MGAT4A: variants seen among roughly 807,000 people sequenced by gnomAD.
MGAT4A encodes alpha-1,3-mannosyl-glycoprotein 4-beta-N-acetylglucosaminyltransferase A, also known as N-acetylglucosaminyltransferase IVa.
MGAT4A carries 33 observed loss-of-function variants against 74.1 expected under a neutral mutation model. That is an observed-to-expected ratio of 0.45 (90% CI 0.34 to 0.60). MGAT4A has a LOEUF of 0.60. MGAT4A is among the 20% of genes least tolerant of loss of function. The pLI, the probability that MGAT4A is intolerant of heterozygous loss-of-function variation, is 0.02. For synonymous variants in MGAT4A, 198 were observed against 210.4 expected, an observed-to-expected ratio of 0.94 and a Z score of 0.51; for missense variants, 479 against 628.3, an observed-to-expected ratio of 0.76 and a Z score of 2.54.
chr2:98,714,501 C>T (rs1047541439), intron 2 of MGAT4A, among the ~76,000 whole-genome samples: 7 of 152,252 alleles, frequency 4.6e-5, no homozygotes, highest in Middle Eastern at 3.4e-3. Flanking sequence ...ATTCAAGAAA[C>T]GCAGGTGGAC....
At chr2:98,697,892 T>A (rs1350507992) in intron 2 of MGAT4A, among the ~76,000 whole-genome samples, 1 of 152,178 alleles carries the variant, frequency 6.6e-6, no homozygotes, top group Non-Finnish European at 1.5e-5. Flanking sequence ...GATGGGTTCA[T>A]AAGAAGACAA....
chr2:98,654,678 C>T (rs1203418501), intron 8 of MGAT4A, among the ~76,000 whole-genome samples: 1 of 152,094 alleles, frequency 6.6e-6, no homozygotes, highest in Admixed American at 6.6e-5. Context: ...ACATCTTGTG[C>T]TCATGTATTG....
chr2:98,731,017 C>A lies in MGAT4A; in HGVS notation c.-236+31G>T, dbSNP rs1239136060. 1 of 141,726 alleles carries A rather than the reference C, an allele frequency of 7.1e-6. No individual in the cohort carries two copies. Among genetic ancestry groups the A allele is most frequent in the Admixed American group, 6.9e-5 (1 of 14,406 alleles). 8.8% of individuals were successfully genotyped at this position (141,726 alleles called of 1,614,324 possible). A position where few individuals can be genotyped will look rare whatever the true frequency, so the allele number is the denominator to read the frequency against. On this transcript the variant is annotated intron_variant, in intron 1 of 15. Coordinates refer to ENST00000393487, the MANE Select transcript of MGAT4A (RefSeq NM_012214.3). This position sits in a 1 kb window ranked among gnomAD's most constrained non-coding sequence, Gnocchi z 4.8. ...CGCCCCGCGCCCCCTCCCGCCCCCG[C>A]GCGCCGCCGCTGCCGCCGCGAGCCC...
At chr2:98,717,622 T>C (rs1702610638) in intron 2 of MGAT4A, among the ~76,000 whole-genome samples, 1 of 152,186 alleles carries the variant, frequency 6.6e-6, no homozygotes, top group Admixed American at 6.6e-5. Flanking sequence ...GGAGGATAGG[T>C]ATAAGGGAAA....
chr2:98,693,534 C>T (rs1197666151), intron 2 of MGAT4A, among the ~76,000 whole-genome samples: 1 of 152,064 alleles, frequency 6.6e-6, no homozygotes, highest in African/African-American at 2.4e-5. Context: ...AGCGAGACCC[C>T]ATTTCTATAG....
At chr2:98,730,732 G>A (rs902459156) in intron 1 of MGAT4A, among the ~76,000 whole-genome samples, 9 of 150,322 alleles carry the variant, frequency 6.0e-5, no homozygotes, top group African/African-American at 1.9e-4. Flanking sequence ...CCGCAGAGAG[G>A]GCGCGCGACC....
intron 2 of MGAT4A, among the ~76,000 whole-genome samples, chr2:98,703,261 TAG>T (rs1702376358): frequency 6.6e-6 from 1 of 152,272 alleles, no homozygotes; most frequent in Non-Finnish European, 1.5e-5. Flanking sequence ...TAAAATTCAC[TAG>T]AGAGGCTCAG....
chr2:98,627,129 G>A (rs1701155227), intron 14 of MGAT4A, among the ~76,000 whole-genome samples: 1 of 152,162 alleles, frequency 6.6e-6, no homozygotes, highest in Non-Finnish European at 1.5e-5. Flanking sequence ...ACCACTGCTG[G>A]GACTATAGTT....
chr2:98,656,516 A>T (rs763280854), intron 6 of MGAT4A, 51 bp from the exon 7 acceptor site: 2 of 1,254,946 alleles, frequency 1.6e-6, no homozygotes, highest in South Asian at 2.5e-5. Flanking sequence ...GATTTTATTT[A>T]TCTTAAAGCT....
chr2:98,687,498 T>C (rs1702145545), intron 2 of MGAT4A, among the ~76,000 whole-genome samples: 1 of 152,136 alleles, frequency 6.6e-6, no homozygotes, highest in African/African-American at 2.4e-5. Context: ...TATTTCATGC[T>C]TTCTCCTTCT....
At chr2:98,629,839 T>C (rs1701201085) in intron 14 of MGAT4A, among the ~76,000 whole-genome samples, 1 of 151,962 alleles carries the variant, frequency 6.6e-6, no homozygotes, top group Admixed American at 6.6e-5. Context: ...AGGTCAGGAG[T>C]TCGAGACCAG....
chr2:98,698,613 T>G (rs182043022), intron 2 of MGAT4A, among the ~76,000 whole-genome samples: 2 of 152,246 alleles, frequency 1.3e-5, no homozygotes, highest in East Asian at 3.9e-4. Flanking sequence ...GTACCTTACA[T>G]TTCTAAATGG....
chr2:98,644,065 T>C lies in MGAT4A; in HGVS notation c.890-12A>G. 6.4e-7 allele frequency: 1 copy of C among 1,555,978 alleles called. No homozygotes were observed. Among genetic ancestry groups the C allele is most frequent in the Non-Finnish European group, 8.7e-7 (1 of 1,143,626 alleles). ...TTGAAACATTTTACCTGAAAAGATATTCCCAGTCAATAGCTGCAATGAAGA... is the reference window on the plus strand; with the variant it reads ...TTGAAACATTTTACCTGAAAAGATACTCCCAGTCAATAGCTGCAATGAAGA... On this transcript the variant is annotated splice_polypyrimidine_tract_variant and intron_variant, in intron 9 of 15. Transcript: ENST00000393487.
chr2:98,709,518 A>C (rs1478667525), intron 2 of MGAT4A, among the ~76,000 whole-genome samples: 1 of 152,142 alleles, frequency 6.6e-6, no homozygotes, highest in African/African-American at 2.4e-5. Context: ...ACAAGTCTTG[A>C]AGTTCAAGTT....
At chr2:98,684,946 A>T (rs2104296767) in intron 2 of MGAT4A, among the ~76,000 whole-genome samples, 1 of 152,296 alleles carries the variant, frequency 6.6e-6, no homozygotes, top group South Asian at 2.1e-4. Context: ...AATGTTGATA[A>T]GTCCTCTGGG....
chr2:98,663,282 A>G, intron 4 of MGAT4A, 103 bp from the exon 5 acceptor site: 1 of 1,532,114 alleles, frequency 6.5e-7, no homozygotes, highest in Non-Finnish European at 8.8e-7. Flanking sequence ...GATAGGAATA[A>G]CTGATGGATC....
At chr2:98,695,469 TGCA>T (rs1432054013) in intron 2 of MGAT4A, 1 of 196,064 alleles carries the variant, frequency 5.1e-6, no homozygotes, top group Non-Finnish European at 1.2e-5. Flanking sequence ...AAGAACGCAA[TGCA>T]GCAGAAGGGG....
chr2:98,647,074 A>G (rs1016487043), intron 8 of MGAT4A, among the ~76,000 whole-genome samples: 2 of 152,238 alleles, frequency 1.3e-5, no homozygotes, highest in African/African-American at 2.4e-5. Flanking sequence ...AGAACTCAAC[A>G]TAGCATTTAG....
intron 2 of MGAT4A, among the ~76,000 whole-genome samples, chr2:98,712,604 A>T (rs1702533371): frequency 6.6e-6 from 1 of 152,210 alleles, no homozygotes; most frequent in Non-Finnish European, 1.5e-5. Flanking sequence ...TATACTTAAA[A>T]CATTACTTAA....
Sources: allele counts gnomAD v4.1 joint callset (sites outside exome capture counted in the v4.1 genomes callset), GRCh38; gene constraint gnomAD v4.1.1; non-coding constraint Gnocchi (gnomAD v3.1); transcripts MANE v1.5; gene names NCBI Gene and HGNC (gene_info 2026-07-23, HGNC 2026-07-21).